Variants in CERS6 observed in about 807,000 individuals in gnomAD.
CERS6 encodes LAG1 homolog, ceramide synthase 6.
CERS6 carries 26 observed loss-of-function variants against 56.8 expected under a neutral mutation model. That is an observed-to-expected ratio of 0.46 (90% CI 0.34 to 0.63). The LOEUF is 0.63. CERS6 is among the 30% of genes least tolerant of loss of function. The probability of loss-of-function intolerance (pLI) is 0.01; values close to 1 mark genes in which losing one functional copy is unlikely to be tolerated. For synonymous variants in CERS6, 164 were observed against 173.3 expected (o/e 0.95, Z 0.42); for missense variants, 415 against 467.5 (o/e 0.89, Z 1.04).
At chr2:168,536,936 G>A (rs944040233) in intron 1 of CERS6, among the ~76,000 whole-genome samples, 2 of 150,422 alleles carry the variant, frequency 1.3e-5, no homozygotes, top group Non-Finnish European at 2.9e-5. Flanking sequence ...GTAGAATTTT[G>A]ATGGGCAATA....
At chr2:168,536,005 A>G (rs776205018) in intron 1 of CERS6, among the ~76,000 whole-genome samples, 3 of 152,006 alleles carry the variant, frequency 2.0e-5, no homozygotes, top group Non-Finnish European at 4.4e-5. Context: ...AAATCTTTAA[A>G]AATGTGAAAA....
At chr2:168,724,662 TAC>T (rs1292195216) in intron 8 of CERS6, among the ~76,000 whole-genome samples, 1 of 151,618 alleles carries the variant, frequency 6.6e-6, no homozygotes, top group Non-Finnish European at 1.5e-5. Context: ...AGTAGCTAGA[TAC>T]AGAGTGTCGA....
chr2:168,689,569 G>A (rs953088936), intron 4 of CERS6, among the ~76,000 whole-genome samples: 21 of 152,054 alleles, frequency 1.4e-4, no homozygotes, highest in African/African-American at 4.3e-4. Context: ...TTATGCACAC[G>A]CTCTCATTTG....
intron 3 of CERS6, among the ~76,000 whole-genome samples, chr2:168,599,147 T>C (rs891541223): frequency 2.0e-5 from 3 of 152,196 alleles, no homozygotes; most frequent in African/African-American, 7.2e-5. Flanking sequence ...CTTTGAAAGG[T>C]TAAGCAAATT....
intron 3 of CERS6, among the ~76,000 whole-genome samples, chr2:168,571,112 T>C (rs1695977669): frequency 6.6e-6 from 1 of 152,092 alleles, no homozygotes; most frequent in African/African-American, 2.4e-5. Context: ...ACATTTTAGA[T>C]TGTTGAAAAG....
Position 168,769,564 on chromosome 2 carries a change from G to C in CERS6, c.1057G>C (p.Glu353Gln). 1 of 1,612,614 alleles carries C rather than the reference G, an allele frequency of 6.2e-7. No individual in the cohort carries two copies. Among genetic ancestry groups the C allele is most frequent in the Non-Finnish European group, 8.5e-7 (1 of 1,179,570 alleles). The change falls in exon 10 of 10, where the codon GAA (glutamate) becomes CAA (glutamine). Residue 353 changes from glutamate to glutamine, a missense_variant. By Grantham distance (29) the Glu-to-Gln change is conservative (BLOSUM62 2). Transcript: ENST00000305747. ...GTCTAGCTCAGATGAGGAGGACTCA[G>C]AACCTCCGGGAAAGAATCCCCACAC... ...IESSSDEEDS[E>Q]PPGKNPHTAT... is the part of the protein sequence containing the mutation.
chr2:168,549,417 A>G (rs112959322), intron 2 of CERS6, among the ~76,000 whole-genome samples: 4,438 of 152,168 alleles, frequency 0.029, 150 homozygotes, highest in Admixed American at 0.074. Context: ...CGGGCAGATC[A>G]TGAGGTCAAG....
chr2:168,511,426 A>G (rs1450351831), intron 1 of CERS6, among the ~76,000 whole-genome samples: 1 of 152,052 alleles, frequency 6.6e-6, no homozygotes, highest in Admixed American at 6.6e-5. Flanking sequence ...CCATTGCTGT[A>G]TTGTCTTTTT....
rs1387421889 is a variant in CERS6 at position 168,512,918 on chromosome 2, G to A, written c.171-34678G>A. 4.6e-5 allele frequency among the ~76,000 whole-genome samples: 7 copies of A among 151,988 alleles called. No individual in the cohort carries two copies. The East Asian group carries it at 1.3e-3, about 29-fold the overall frequency. On this transcript the variant is annotated intron_variant, in intron 1 of 9. Coordinates refer to ENST00000305747, the MANE Select transcript of CERS6 (RefSeq NM_203463.3). ...GCTGACCTCATGATCCTCCCACCTC[G>A]GCCTCCCAAAATGCTGGGATTACAG...
chr2:168,477,839 C>T (rs1178119803), intron 1 of CERS6, among the ~76,000 whole-genome samples: 4 of 152,128 alleles, frequency 2.6e-5, no homozygotes, highest in Non-Finnish European at 2.9e-5. Flanking sequence ...TTTTAACTTG[C>T]GCTTTTTAAA....
chr2:168,470,630 A>C (rs1453854809), intron 1 of CERS6, among the ~76,000 whole-genome samples: 16 of 152,140 alleles, frequency 1.1e-4, no homozygotes, highest in Admixed American at 1.0e-3. Context: ...GCCTTCACCC[A>C]GTGTGTGTTA....
chr2:168,563,892 G>A (rs1349282004), intron 3 of CERS6, among the ~76,000 whole-genome samples: 4 of 146,700 alleles, frequency 2.7e-5, no homozygotes, highest in Admixed American at 7.3e-5. Flanking sequence ...TGGGGTGCAC[G>A]GGGGGTTTGC....
At chr2:168,464,174 TTGTGTGTGTGTGTG>T (rs35372610) in intron 1 of CERS6, among the ~76,000 whole-genome samples, 54 of 139,696 alleles carry the variant, frequency 3.9e-4, no homozygotes, top group Non-Finnish European at 6.3e-4. Context: ...TTTATACTTT[TTGTGTGTGTGTGTG>T]TGTGTGTGTG....
rs865829017 is a variant in CERS6 at position 168,645,158 on chromosome 2, G to T, written c.465+14116G>T. Among the ~76,000 whole-genome samples, 85 of 106,598 alleles carry T rather than the reference G, an allele frequency of 8.0e-4. 1 individual carries two copies. Among genetic ancestry groups the T allele is most frequent in the African/African-American group, 1.9e-3 (51 of 26,382 alleles). 69.9% of individuals were successfully genotyped at this position (106,598 alleles called of 152,430 possible). On this transcript the variant is annotated intron_variant, in intron 4 of 9. Transcript: ENST00000305747. ...ATATATATATAGAGAGAGAGAGAGA[G>T]AGAGAGAGAGAGAGAGAGAGAGAGA...
At chr2:168,489,956 A>C (rs962963215) in intron 1 of CERS6, among the ~76,000 whole-genome samples, 2 of 152,094 alleles carry the variant, frequency 1.3e-5, no homozygotes, top group Admixed American at 6.6e-5. Flanking sequence ...CTAATCTTCT[A>C]AATAATGTTG....
At chr2:168,565,030 A>G (rs544661888) in intron 3 of CERS6, among the ~76,000 whole-genome samples, 4 of 152,334 alleles carry the variant, frequency 2.6e-5, no homozygotes, top group South Asian at 2.1e-4. Flanking sequence ...ATGAGTGCCT[A>G]ATATATACTG....
intron 4 of CERS6, among the ~76,000 whole-genome samples, chr2:168,649,896 AAGCCCCTC>A (rs1685302958): frequency 6.6e-6 from 1 of 152,106 alleles, no homozygotes; most frequent in Admixed American, 6.5e-5. Flanking sequence ...AACTTACTGT[AAGCCCCTC>A]AAGGATGGTT....
At chr2:168,674,748 C>T (rs1431159183) in intron 4 of CERS6, among the ~76,000 whole-genome samples, 20 of 152,140 alleles carry the variant, frequency 1.3e-4, no homozygotes, top group Admixed American at 1.3e-3. Context: ...CAGCTCGGCT[C>T]CATGTGATAT....
rs147758328 is a variant in CERS6, at chr2:168,606,702, G to C, written c.408-24283G>C. ...GCAGGTTGATATGGTTTGGATCTCT[G>C]TACCCACCCAAATCTCATACTGATA... On this transcript the variant is annotated intron_variant, in intron 3 of 9. Coordinates refer to ENST00000305747, the MANE Select transcript of CERS6 (RefSeq NM_203463.3). Among the ~76,000 whole-genome samples, 51 of 152,300 alleles carry C rather than the reference G, an allele frequency of 3.3e-4. No individual in the cohort carries two copies. In the East Asian group the frequency reaches 9.8e-3, roughly 29 times the overall value.
Sources: allele counts gnomAD v4.1 joint callset (sites outside exome capture counted in the v4.1 genomes callset), GRCh38; gene constraint gnomAD v4.1.1; transcripts MANE v1.5; gene names NCBI Gene and HGNC (gene_info 2026-07-23, HGNC 2026-07-21).